The following PRDM16 variants were observed in gnomAD, a reference collection of about 807,000 sequenced individuals.
The protein encoded by PRDM16 is histone-lysine N-methyltransferase PRDM16.
A neutral mutation model predicts 110.6 loss-of-function variants in PRDM16; 23 were observed. The observed-to-expected ratio is 0.21, with a 90% CI of 0.15 to 0.29. PRDM16 has a LOEUF of 0.29. Among genes scored for constraint, PRDM16 ranks in the 10% least tolerant of loss-of-function variants. The pLI is 1.00. For missense variants in PRDM16, 1,615 were observed against 1,794.3 expected (o/e 0.90, Z 1.81); for synonymous variants, 799 against 781.8 (o/e 1.02, Z -0.37).
chr1:3,095,847 A>G (rs532705562), intron 1 of PRDM16, among the ~76,000 whole-genome samples: 1 of 152,174 alleles, frequency 6.6e-6, no homozygotes, highest in Admixed American at 6.5e-5. Flanking sequence ...GGAGCCTCAT[A>G]TCACAGCTCA....
intron 3 of PRDM16, among the ~76,000 whole-genome samples, chr1:3,266,231 C>G (rs1160349063): frequency 6.6e-6 from 1 of 152,218 alleles, no homozygotes; most frequent in Non-Finnish European, 1.5e-5. Context: ...CGCTGGCCCT[C>G]TGACATCTTA....
intron 3 of PRDM16, among the ~76,000 whole-genome samples, chr1:3,298,599 G>C (rs892233147): frequency 1.3e-5 from 2 of 152,218 alleles, no homozygotes; most frequent in African/African-American, 2.4e-5. Flanking sequence ...GCTTGGTTGT[G>C]TGGTTCCCAA....
intron 3 of PRDM16, among the ~76,000 whole-genome samples, chr1:3,330,590 A>G (rs371965906): frequency 6.6e-6 from 1 of 152,170 alleles, no homozygotes. Flanking sequence ...CCACTTTTCT[A>G]ATCCTGGGGT....
intron 5 of PRDM16, among the ~76,000 whole-genome samples, chr1:3,401,000 T>A (rs1403518256): frequency 6.6e-6 from 1 of 152,158 alleles, no homozygotes; most frequent in Non-Finnish European, 1.5e-5. Flanking sequence ...CCATCCAGTA[T>A]GCCTGCTGTG....
chr1:3,286,663 C>T (rs1187157898), intron 3 of PRDM16, among the ~76,000 whole-genome samples: 1 of 147,076 alleles, frequency 6.8e-6, no homozygotes, highest in Non-Finnish European at 1.5e-5. Context: ...TTCTGCACCC[C>T]CAAGTTCCTC....
At chr1:3,132,300 C>T (rs556919509) in intron 1 of PRDM16, among the ~76,000 whole-genome samples, 60 of 152,270 alleles carry the variant, frequency 3.9e-4, no homozygotes, top group African/African-American at 1.4e-3. Context: ...GGTCCCTGCC[C>T]AACTGATTCT....
At chr1:3,288,938 T>C (rs1362040748) in intron 3 of PRDM16, among the ~76,000 whole-genome samples, 1 of 152,084 alleles carries the variant, frequency 6.6e-6, no homozygotes, top group Non-Finnish European at 1.5e-5. Flanking sequence ...CTTCAGAAGT[T>C]CCCTAGAGTG....
chr1:3,324,727 T>G (rs57631188), intron 3 of PRDM16, among the ~76,000 whole-genome samples: 1 of 143,238 alleles, frequency 7.0e-6, no homozygotes, highest in Non-Finnish European at 1.5e-5. Context: ...TCCCCCCTGA[T>G]TCCGTCGTCA....
At chr1:3,268,206 C>T (rs184064022) in intron 3 of PRDM16, among the ~76,000 whole-genome samples, 15 of 152,172 alleles carry the variant, frequency 9.9e-5, no homozygotes, top group Admixed American at 5.2e-4. Flanking sequence ...GCCCCCGGCT[C>T]GGCGCGCGTC....
chr1:3,363,559 T>C (rs944104567), intron 3 of PRDM16, among the ~76,000 whole-genome samples: 3 of 152,104 alleles, frequency 2.0e-5, no homozygotes, highest in Non-Finnish European at 4.4e-5. Context: ...CTGAGTGCCA[T>C]CCATGGGTGT....
At chr1:3,286,140 C>T (rs1048346525) in intron 3 of PRDM16, among the ~76,000 whole-genome samples, 1 of 152,216 alleles carries the variant, frequency 6.6e-6, no homozygotes, top group African/African-American at 2.4e-5. Flanking sequence ...CCAGCTCCCT[C>T]TCCTCATCCA....
At chr1:3,075,416 A>G (rs1641874879) in intron 1 of PRDM16, among the ~76,000 whole-genome samples, 1 of 152,276 alleles carries the variant, frequency 6.6e-6, no homozygotes, top group African/African-American at 2.4e-5. Flanking sequence ...CCTGGGGACA[A>G]ATGCGATTGG....
intron 2 of PRDM16, among the ~76,000 whole-genome samples, chr1:3,217,735 G>T (rs545263555): frequency 2.6e-5 from 4 of 152,146 alleles, no homozygotes; most frequent in African/African-American, 9.7e-5. Flanking sequence ...TTTTCAACAC[G>T]GGAGAGCTCT....
At chr1:3,191,658 G>C (rs1165883075) in intron 2 of PRDM16, among the ~76,000 whole-genome samples, 4 of 152,194 alleles carry the variant, frequency 2.6e-5, no homozygotes, top group Non-Finnish European at 1.5e-5. Flanking sequence ...CATGTGTTTG[G>C]AATACTGATG....
At position 3,125,705 on chromosome 1, in the gene PRDM16, C is replaced by T. The variant is rs917321822; in HGVS notation, c.37+56409C>T. 6.6e-5 allele frequency among the ~76,000 whole-genome samples: 10 copies of T among 152,382 alleles called. No individual in the cohort carries two copies. In the East Asian group the frequency reaches 1.9e-3, roughly 29 times the overall value. ...CCAGGAGCTCAGCCGTGTTTGCTGT[C>T]GGTCACGGCAGGTTGGGCCATTTGT... On this transcript the variant is annotated intron_variant, in intron 1 of 16. Coordinates refer to ENST00000270722, the MANE Select transcript of PRDM16 (RefSeq NM_022114.4).
rs570237110 is a variant in PRDM16, at chr1:3,188,847, G to A, written c.387+2373G>A. Among the ~76,000 whole-genome samples, 297 of 152,314 alleles carry A rather than the reference G, an allele frequency of 1.9e-3. 2 individuals carry two copies. Among genetic ancestry groups the A allele is most frequent in the African/African-American group, 6.8e-3 (281 of 41,576 alleles). On this transcript the variant is annotated intron_variant, in intron 2 of 16. Transcript: ENST00000270722. ...AGAGAGAGGAGGAAGCAGGGGGCGG[G>A]AATTAAGTGGCAGCCACCTCTGCCT...
chr1:3,135,091 C>T (rs913338074), intron 1 of PRDM16, among the ~76,000 whole-genome samples: 1 of 152,258 alleles, frequency 6.6e-6, no homozygotes, highest in African/African-American at 2.4e-5. Context: ...AGGAAGGGCA[C>T]TTTCCTCGGG....
At chr1:3,250,184 G>A (rs370422779) in intron 3 of PRDM16, among the ~76,000 whole-genome samples, 7 of 146,438 alleles carry the variant, frequency 4.8e-5, no homozygotes, top group Non-Finnish European at 1.0e-4. Flanking sequence ...TGGGGAGGCC[G>A]CATTGCTCCT....
intron 3 of PRDM16, among the ~76,000 whole-genome samples, chr1:3,380,454 CAAGG>C: frequency 6.6e-6 from 1 of 152,140 alleles, no homozygotes; most frequent in Middle Eastern, 3.4e-3. Context: ...ATGAGAGTGA[CAAGG>C]GAGGAGAGGC....
Sources: gnomAD v4.1 joint callset for allele counts (sites outside exome capture counted in the v4.1 genomes callset) on GRCh38, gnomAD v4.1.1 for gene constraint, MANE v1.5 for transcripts, NCBI Gene and HGNC (gene_info 2026-07-23, HGNC 2026-07-21) for gene names.